Variants in HOMEZ observed in about 807,000 individuals in gnomAD.
HOMEZ encodes homeobox and leucine zipper protein Homez.
HOMEZ carries 20 observed loss-of-function variants against 50.1 expected under a neutral mutation model. That is an observed-to-expected ratio of 0.40 (90% confidence interval 0.28 to 0.58). HOMEZ has a LOEUF of 0.58. Ranked by LOEUF, HOMEZ falls within the 20% of genes least tolerant of loss-of-function variation. HOMEZ has a pLI of 0.46. For missense variants in HOMEZ, 579 were observed against 680.5 expected (o/e 0.85, Z 1.66); for synonymous variants, 239 against 254.7 (o/e 0.94, Z 0.59).
In HOMEZ at chr14:23,275,920, A is replaced by G. The variant is rs764746434; in HGVS notation, c.1308T>C (p.Pro436=). ...AGGAGCGGGTTGATGGTGGTGGTGT[A>G]GGAATTGCTGGGTCTTGGAAACTAG... The part of the protein sequence containing the change: ...GAPSFQDPAI[P]TPPPSTRSLN... Residue 436 remains proline, a synonymous_variant, in exon 2 of 2, where the codon CCT becomes CCC. Coordinates refer to ENST00000357460, the MANE Select transcript of HOMEZ (RefSeq NM_020834.3). The G allele has an allele frequency of 2.8e-5, 45 of 1,606,798 alleles. No individual in the cohort carries two copies. In the South Asian group the frequency reaches 4.2e-4, roughly 15 times the overall value.
chr14:23,280,720 A>ATTTT (rs1236449771), intron 1 of HOMEZ, among the ~76,000 whole-genome samples: 5 of 65,052 alleles, frequency 7.7e-5, no homozygotes, highest in African/African-American at 1.8e-4. Context: ...TTTTTATTTT[A>ATTTT]TTTTATTTTA....
Position 23,274,793 on chromosome 14 carries a change from C to T in HOMEZ, c.*782G>A, listed in dbSNP as rs556467880. ...TGGTGGCAGGTGCCTGTAGTCCCAGCTACTCGGGAGGCTGAGGCAGGAGAA... is the reference window on the plus strand; with the variant it reads ...TGGTGGCAGGTGCCTGTAGTCCCAGTTACTCGGGAGGCTGAGGCAGGAGAA... On this transcript the variant is annotated 3_prime_UTR_variant, in exon 2 of 2. Transcript: ENST00000357460. The T allele has an allele frequency of 2.6e-5, 4 of 152,094 alleles. No homozygotes were observed. Among genetic ancestry groups the T allele is most frequent in the Non-Finnish European group, 5.9e-5 (4 of 68,112 alleles). The allele number at this position is 152,094 out of a possible 1,614,324, so 9.4% of individuals were successfully genotyped here.
In HOMEZ at chr14:23,276,329, G is replaced by A; in HGVS notation, c.899C>T (p.Thr300Ile). The change falls in exon 2 of 2, where the codon ACT (threonine) becomes ATT (isoleucine). Residue 300 changes from threonine (T) to isoleucine (I), a missense_variant. Coordinates refer to ENST00000357460, the MANE Select transcript of HOMEZ (RefSeq NM_020834.3). This position sits in a 1 kb window ranked among gnomAD's most constrained non-coding sequence, Gnocchi z 4.1. Reference protein sequence around the residue: ...SSFQVLANGATAASKPLQPLG... With the variant: ...SSFQVLANGAIAASKPLQPLG... ...TGGCTGGAGGGGTTTAGAGGCGGCA[G>A]TAGCTCCATTAGCCAGTACCTGGAA... 1 of 1,613,924 alleles carries A rather than the reference G, an allele frequency of 6.2e-7. No individual in the cohort carries two copies. Among genetic ancestry groups the A allele is most frequent in the Non-Finnish European group, 8.5e-7 (1 of 1,179,844 alleles).
intron 1 of HOMEZ, among the ~76,000 whole-genome samples, chr14:23,277,499 A>T (rs1348921216): frequency 1.3e-5 from 2 of 152,142 alleles, no homozygotes; most frequent in Admixed American, 1.3e-4. Context: ...CATGCCTGTA[A>T]TCCCAGCACT....
Position 23,272,423 on chromosome 14 carries a change from A to C in HOMEZ, c.*3152T>G, listed in dbSNP as rs1043183961. 3 of 253,980 alleles carry C rather than the reference A, an allele frequency of 1.2e-5. No individual in the cohort carries two copies. The highest frequency in any genetic ancestry group is 5.2e-5 in the Admixed American group (1 of 19,112). The allele number at this position is 253,980 out of a possible 1,614,324, so 15.7% of individuals were successfully genotyped here. A position where few individuals can be genotyped will look rare whatever the true frequency, so the allele number is the denominator to read the frequency against. On this transcript the variant is annotated 3_prime_UTR_variant, in exon 2 of 2. Transcript: ENST00000357460. ...GACAGAGCGAGACTCCATCTCAAAA[A>C]AACAACAAACAAACAAACAAACAAA...
rs1243127168 is a variant in HOMEZ, at chr14:23,272,435, A to G, written c.*3140T>C. On this transcript the variant is annotated 3_prime_UTR_variant, in exon 2 of 2. Coordinates refer to ENST00000357460, the MANE Select transcript of HOMEZ (RefSeq NM_020834.3). ...CTCCATCTCAAAAAAACAACAAACA[A>G]ACAAACAAACAAACAACCGAAAATG... is the stretch of plus-strand genomic sequence containing the variant. 1 of 256,590 alleles carries G rather than the reference A, an allele frequency of 3.9e-6. No homozygotes were observed. Among genetic ancestry groups the G allele is most frequent in the Non-Finnish European group, 7.6e-6 (1 of 131,124 alleles). 15.9% of individuals were successfully genotyped at this position (256,590 alleles called of 1,614,324 possible).
At chr14:23,285,828 CCCACCA>C (rs1886649424) in intron 1 of HOMEZ, 79 bp downstream of exon 1, 2 of 772,012 alleles carry the variant, frequency 2.6e-6, no homozygotes, top group Admixed American at 4.3e-5. Context: ...GAATTATCCC[CCCACCA>C]GCGCGGGGAT....
intron 1 of HOMEZ, 178 bp downstream of exon 1, chr14:23,285,735 C>G (rs117273314): frequency 0.022 from 9,136 of 410,990 alleles, 157 homozygotes; most frequent in Non-Finnish European, 0.027. Flanking sequence ...TACACAGACA[C>G]TCACCCTCCC....
In HOMEZ at chr14:23,276,311, AG is replaced by A; in HGVS notation, c.916del (p.Leu306SerfsTer4). The A allele has an allele frequency of 3.7e-6, 6 of 1,607,674 alleles. No homozygotes were observed. The highest frequency in any genetic ancestry group is 5.1e-6 in the Non-Finnish European group (6 of 1,177,728). ...CTGTGGGACACAGCCTAGTGGCTGG[AG>A]GGGTTTAGAGGCGGCAGTAGCTCCA... ...ANGATAASKP[L>X]QPLGCVPQSV... On this transcript the variant is annotated frameshift_variant, in exon 2 of 2. Coordinates refer to ENST00000357460, the MANE Select transcript of HOMEZ (RefSeq NM_020834.3). LOFTEE classifies it high-confidence loss of function. The surrounding 1 kb of genome is among the most constrained non-coding windows in gnomAD (Gnocchi z 4.1).
At position 23,274,986 on chromosome 14, in the gene HOMEZ, A is replaced by C. The variant is rs576706176; in HGVS notation, c.*589T>G. ...GGTGAAACATAGTCAAGTTGGTATG[A>C]GGAAAAGGAAATATTAATATTTGTG... On this transcript the variant is annotated 3_prime_UTR_variant, in exon 2 of 2. Coordinates refer to ENST00000357460, the MANE Select transcript of HOMEZ (RefSeq NM_020834.3). 2 of 152,116 alleles carry C rather than the reference A, an allele frequency of 1.3e-5. No homozygotes were observed. The highest frequency in any genetic ancestry group is 2.9e-5 in the Non-Finnish European group (2 of 68,032). 9.4% of individuals were successfully genotyped at this position (152,116 alleles called of 1,614,324 possible).
chr14:23,284,724 G>T (rs1886623700), intron 1 of HOMEZ, among the ~76,000 whole-genome samples: 1 of 152,176 alleles, frequency 6.6e-6, no homozygotes, highest in African/African-American at 2.4e-5. Context: ...TTTAAAAATT[G>T]TTGAGTTGGG....
Position 23,286,094 on chromosome 14 carries a change from T to C in HOMEZ, c.-142A>G, listed in dbSNP as rs1886660239. The C allele has an allele frequency of 2.4e-6, 3 of 1,229,864 alleles. No homozygotes were observed. Among genetic ancestry groups the C allele is most frequent in the Middle Eastern group, 3.1e-4 (1 of 3,198 alleles). The allele number at this position is 1,229,864 out of a possible 1,614,324, so 76.2% of individuals were successfully genotyped here. On this transcript the variant is annotated 5_prime_UTR_variant, in exon 1 of 2. Transcript: ENST00000357460. Reference sequence around the variant, plus strand: ...CACCGTCCCCGGGAGCGCGCCGGTCTACCCAGCCCTGCTCGAGCAAGTTGG... The same window carrying C: ...CACCGTCCCCGGGAGCGCGCCGGTCCACCCAGCCCTGCTCGAGCAAGTTGG...
chr14:23,283,475 C>G (rs1362816458), intron 1 of HOMEZ, among the ~76,000 whole-genome samples: 2 of 152,200 alleles, frequency 1.3e-5, no homozygotes, highest in African/African-American at 4.8e-5. Flanking sequence ...TATCCCTGGA[C>G]AGATGGAAGA....
At position 23,276,580 on chromosome 14, in the gene HOMEZ, T is replaced by C. The variant is rs201848325; in HGVS notation, c.648A>G (p.Gln216=). Residue 216 remains glutamine, a synonymous_variant, in exon 2 of 2, where the codon CAA becomes CAG. Transcript: ENST00000357460. The surrounding 1 kb of genome is among the most constrained non-coding windows in gnomAD (Gnocchi z 4.1). Reference sequence around the variant, plus strand: ...TTTGAAGATGTTGCCAAAAATCTGATTGGTAGGGGAATGCTCCACTGCCAG... The same window carrying C: ...TTTGAAGATGTTGCCAAAAATCTGACTGGTAGGGGAATGCTCCACTGCCAG... The part of the protein sequence containing the change: ...MTPGSGAFPY[Q]SDFWQHLQSS... 12 of 1,613,982 alleles carry C rather than the reference T, an allele frequency of 7.4e-6. No homozygotes were observed. Among genetic ancestry groups the C allele is most frequent in the Middle Eastern group, 1.6e-4 (1 of 6,062 alleles).
rs375635832 is a variant in HOMEZ, at chr14:23,272,702, T to A, written c.*2873A>T. The A allele has an allele frequency of 1.4e-6, 1 of 705,020 alleles. No individual in the cohort carries two copies. The highest frequency in any genetic ancestry group is 2.5e-6 in the Non-Finnish European group (1 of 394,270). The allele number at this position is 705,020 out of a possible 1,614,324, so 43.7% of individuals were successfully genotyped here. On this transcript the variant is annotated 3_prime_UTR_variant, in exon 2 of 2. Transcript: ENST00000357460. ...TTAGTTATCATGCAATGAAGAAAACTATGGGGAAGCAAAAGCAGTGGTGTC... is the reference window on the plus strand; with the variant it reads ...TTAGTTATCATGCAATGAAGAAAACAATGGGGAAGCAAAAGCAGTGGTGTC...
Position 23,272,985 on chromosome 14 carries a change from T to C in HOMEZ, c.*2590A>G. ...GTGATGGCCCTGGAAAATGTATCCC[T>C]GCATTGTTTCCTAGTTTCACTCTGT... On this transcript the variant is annotated 3_prime_UTR_variant, in exon 2 of 2. Transcript: ENST00000357460. 2 of 692,058 alleles carry C rather than the reference T, an allele frequency of 2.9e-6. No individual in the cohort carries two copies. Among genetic ancestry groups the C allele is most frequent in the East Asian group, 3.0e-5 (1 of 33,670 alleles). 42.9% of individuals were successfully genotyped at this position (692,058 alleles called of 1,614,324 possible).
chr14:23,275,548 C>T lies in HOMEZ; in HGVS notation c.*27G>A, dbSNP rs1311659438. The T allele has an allele frequency of 6.6e-7, 1 of 1,522,012 alleles. No individual in the cohort carries two copies. The highest frequency in any genetic ancestry group is 8.8e-7 in the Non-Finnish European group (1 of 1,132,494). 94.3% of individuals were successfully genotyped at this position (1,522,012 alleles called of 1,614,324 possible). A position where few individuals can be genotyped will look rare whatever the true frequency, so the allele number is the denominator to read the frequency against. Reference sequence around the variant, plus strand: ...ACTAAGTTGGTTCATCTTTCAGTAACAGACCTCCCCTCCCCCAGCTCCCCA... The same window carrying T: ...ACTAAGTTGGTTCATCTTTCAGTAATAGACCTCCCCTCCCCCAGCTCCCCA... On this transcript the variant is annotated 3_prime_UTR_variant, in exon 2 of 2. Transcript: ENST00000357460.
chr14:23,279,936 T>C (rs1367976268), intron 1 of HOMEZ, among the ~76,000 whole-genome samples: 1 of 152,184 alleles, frequency 6.6e-6, no homozygotes, highest in Non-Finnish European at 1.5e-5. Flanking sequence ...GTGCACAACA[T>C]TGTTCCTGGC....
At chr14:23,285,804 C>A in intron 1 of HOMEZ, 109 bp downstream of exon 1, 2 of 572,800 alleles carry the variant, frequency 3.5e-6, no homozygotes, top group East Asian at 7.0e-5. Flanking sequence ...GAGAACCGGG[C>A]CACTTCGAAC....
Sources: gnomAD v4.1 joint callset for allele counts (sites outside exome capture counted in the v4.1 genomes callset) on GRCh38, gnomAD v4.1.1 for gene constraint, Gnocchi (gnomAD v3.1) non-coding constraint, MANE v1.5 for transcripts, NCBI Gene and HGNC (gene_info 2026-07-23, HGNC 2026-07-21) for gene names.